Variants in MCF2L2 observed in about 807,000 individuals in gnomAD.
The protein encoded by MCF2L2 is MCF.2 cell line derived transforming sequence-like 2.
MCF2L2 carries 102 observed loss-of-function variants against 150.2 expected under a neutral mutation model. That is an observed-to-expected ratio of 0.68 (90% CI 0.58 to 0.80). The LOEUF (loss-of-function observed/expected upper bound fraction) is 0.80. Among genes scored for constraint, MCF2L2 ranks in the 30% least tolerant of loss-of-function variants. The pLI, the probability that MCF2L2 is intolerant of heterozygous loss-of-function variation, is 0.00. For missense variants in MCF2L2, 1,256 were observed against 1,372.8 expected (o/e 0.91, Z 1.34); for synonymous variants, 465 against 491.3 (o/e 0.95, Z 0.71).
At chr3:183,258,663 T>C (rs142663976) in intron 15 of MCF2L2, among the ~76,000 whole-genome samples, 178 of 151,800 alleles carry the variant, frequency 1.2e-3, no homozygotes, top group Non-Finnish European at 2.0e-3. Context: ...CTGATATCCA[T>C]GCATGCTCAA....
intron 1 of MCF2L2, among the ~76,000 whole-genome samples, chr3:183,391,757 A>G (rs1190742941): frequency 6.6e-6 from 1 of 152,266 alleles, no homozygotes; most frequent in African/African-American, 2.4e-5. Flanking sequence ...AGACAACAAC[A>G]TAGAGAATTT....
At chr3:183,422,682 G>C (rs1236386504) in intron 1 of MCF2L2, among the ~76,000 whole-genome samples, 1 of 152,216 alleles carries the variant, frequency 6.6e-6, no homozygotes, top group East Asian at 1.9e-4. Flanking sequence ...GGAGAGAGGA[G>C]CTGGGAGGAT....
intron 7 of MCF2L2, 89 bp from the exon 8 acceptor site, chr3:183,311,861 A>G (rs1729393652): frequency 4.2e-6 from 5 of 1,190,328 alleles, no homozygotes. Flanking sequence ...AGATCAGTAC[A>G]TTTTTCATTT....
intron 25 of MCF2L2, among the ~76,000 whole-genome samples, chr3:183,204,631 T>C (rs1722408831): frequency 6.6e-6 from 1 of 152,124 alleles, no homozygotes; most frequent in African/African-American, 2.4e-5. Context: ...AAAGTTACCA[T>C]ATGGTCTGGC....
chr3:183,359,865 T>C (rs1052046834), intron 3 of MCF2L2, among the ~76,000 whole-genome samples: 1 of 152,186 alleles, frequency 6.6e-6, no homozygotes, highest in Non-Finnish European at 1.5e-5. Flanking sequence ...CTTTGAAGAA[T>C]TCCACATGTC....
At chr3:183,184,102 C>T (rs1161167961) in intron 27 of MCF2L2, among the ~76,000 whole-genome samples, 1 of 152,190 alleles carries the variant, frequency 6.6e-6, no homozygotes, top group Non-Finnish European at 1.5e-5. Context: ...ACAGCAACCT[C>T]CTTCTCCCGG....
intron 15 of MCF2L2, among the ~76,000 whole-genome samples, chr3:183,248,162 C>G (rs923160889): frequency 1.3e-4 from 20 of 152,104 alleles, no homozygotes; most frequent in African/African-American, 4.6e-4. Flanking sequence ...GCAAACATCT[C>G]TCTCAGAGAT....
chr3:183,380,821 A>G (rs979758937), intron 2 of MCF2L2, among the ~76,000 whole-genome samples: 7 of 152,342 alleles, frequency 4.6e-5, no homozygotes, highest in African/African-American at 1.7e-4. Flanking sequence ...GTGCAAATCA[A>G]TGTGGAACAA....
chr3:183,271,406 G>C (rs1726770924), intron 15 of MCF2L2: 1 of 167,372 alleles, frequency 6.0e-6, no homozygotes, highest in Admixed American at 6.5e-5. Context: ...GCATAGGAGA[G>C]AAAGTTCATG....
At chr3:183,400,710 TG>T (rs1714707100) in intron 1 of MCF2L2, among the ~76,000 whole-genome samples, 3 of 152,100 alleles carry the variant, frequency 2.0e-5, no homozygotes, top group Admixed American at 6.5e-5. Flanking sequence ...AAAGGAAAAC[TG>T]GGGGATGACA....
chr3:183,392,664 G>A (rs187470012), intron 1 of MCF2L2, among the ~76,000 whole-genome samples: 73 of 152,306 alleles, frequency 4.8e-4, no homozygotes, highest in Admixed American at 3.3e-3. Context: ...AACAGATCAT[G>A]AGGCTTTCCC....
intron 14 of MCF2L2, among the ~76,000 whole-genome samples, chr3:183,285,047 C>A (rs73884636): frequency 6.6e-5 from 10 of 152,360 alleles, no homozygotes; most frequent in African/African-American, 1.9e-4. Flanking sequence ...AGACAAGGAA[C>A]TGAACTTGCC....
chr3:183,255,742 T>C (rs763414462), intron 15 of MCF2L2, among the ~76,000 whole-genome samples: 4 of 151,682 alleles, frequency 2.6e-5, no homozygotes, highest in South Asian at 4.1e-4. Flanking sequence ...AAATGAAACA[T>C]TGTATTTCAT....
intron 15 of MCF2L2, among the ~76,000 whole-genome samples, chr3:183,232,510 G>A (rs1232709647): frequency 6.6e-6 from 1 of 152,080 alleles, no homozygotes; most frequent in African/African-American, 2.4e-5. Context: ...ATTTCTTTTA[G>A]GAGTCCAAGT....
intron 13 of MCF2L2, among the ~76,000 whole-genome samples, chr3:183,290,680 C>T (rs148054445): frequency 0.02 from 3,048 of 152,136 alleles, 59 homozygotes; most frequent in East Asian, 0.051. Context: ...ACTACAGGCG[C>T]GCACCACCAT....
At chr3:183,180,939 T>C (rs1171803796) in intron 27 of MCF2L2, among the ~76,000 whole-genome samples, 3 of 152,096 alleles carry the variant, frequency 2.0e-5, no homozygotes, top group Non-Finnish European at 2.9e-5. Context: ...TGAGATGGAG[T>C]CTCTGCCCCA....
At chr3:183,204,302 G>A (rs1331785423) in intron 25 of MCF2L2, among the ~76,000 whole-genome samples, 2 of 151,956 alleles carry the variant, frequency 1.3e-5, no homozygotes, top group African/African-American at 2.4e-5. Flanking sequence ...AAAATGACAA[G>A]CCAATTAAAA....
chr3:183,248,752 T>G (rs1291888633), intron 15 of MCF2L2, among the ~76,000 whole-genome samples: 1 of 152,126 alleles, frequency 6.6e-6, no homozygotes, highest in Non-Finnish European at 1.5e-5. Context: ...ACAGGAAGAT[T>G]GCTTGAGCCT....
At chr3:183,239,673 C>T (rs908012022) in intron 15 of MCF2L2, among the ~76,000 whole-genome samples, 8 of 151,240 alleles carry the variant, frequency 5.3e-5, no homozygotes, top group Non-Finnish European at 1.2e-4. Flanking sequence ...ACACAATTTG[C>T]CATCAAGAGT....
Sources: gnomAD v4.1 joint callset for allele counts (sites outside exome capture counted in the v4.1 genomes callset) on GRCh38, gnomAD v4.1.1 for gene constraint, MANE v1.5 for transcripts, NCBI Gene and HGNC (gene_info 2026-07-23, HGNC 2026-07-21) for gene names.